The following TTC27 variants were observed in gnomAD, a reference collection of about 807,000 sequenced individuals.
The protein encoded by TTC27 is tetratricopeptide repeat protein 27.
Under a neutral mutation model 115.9 loss-of-function variants are expected in TTC27, and 79 were observed. That is an observed-to-expected ratio of 0.68 (90% CI 0.57 to 0.82). The LOEUF is 0.82. TTC27 is among the 40% of genes least tolerant of loss of function. TTC27 has a pLI of 0.00. For missense variants in TTC27, 1,054 were observed against 993.1 expected (o/e 1.06, Z -0.82); for synonymous variants, 401 against 356.0 (o/e 1.13, Z -1.42).
intron 13 of TTC27, among the ~76,000 whole-genome samples, chr2:32,773,221 G>A (rs115508603): frequency 0.011 from 1,700 of 152,276 alleles, 34 homozygotes; most frequent in African/African-American, 0.038. Context: ...GCTGCATACA[G>A]CCAGCTTGCC....
chr2:32,763,866 G>A (rs1669530173), intron 13 of TTC27, among the ~76,000 whole-genome samples: 1 of 152,166 alleles, frequency 6.6e-6, no homozygotes, highest in African/African-American at 2.4e-5. Flanking sequence ...GCGGGATAGT[G>A]AAAGCTGAAG....
chr2:32,751,335 A>G (rs1669007798), intron 12 of TTC27, among the ~76,000 whole-genome samples: 1 of 151,906 alleles, frequency 6.6e-6, no homozygotes, highest in African/African-American at 2.4e-5. Flanking sequence ...TTTGATAATG[A>G]CACCAACCTC....
chr2:32,638,388 T>A (rs1664505466), intron 3 of TTC27, among the ~76,000 whole-genome samples: 1 of 152,178 alleles, frequency 6.6e-6, no homozygotes, highest in Admixed American at 6.6e-5. Context: ...TATTGTTTTT[T>A]ATTTTTTTCT....
intron 6 of TTC27, among the ~76,000 whole-genome samples, chr2:32,666,202 G>C (rs2151880501): frequency 6.6e-6 from 1 of 152,244 alleles, no homozygotes; most frequent in African/African-American, 2.4e-5. Flanking sequence ...ATAAACTGTT[G>C]ATATAGAACC....
chr2:32,672,430 A>G (rs1301588995), intron 8 of TTC27, 46 bp downstream of exon 8: 1 of 1,384,866 alleles, frequency 7.2e-7, no homozygotes, highest in Non-Finnish European at 1.0e-6. Flanking sequence ...TTGCATATTG[A>G]TTCTCTTATG....
At chr2:32,781,336 C>T (rs181423197) in intron 14 of TTC27, among the ~76,000 whole-genome samples, 8 of 151,206 alleles carry the variant, frequency 5.3e-5, no homozygotes, top group Non-Finnish European at 8.9e-5. Flanking sequence ...CTTATTTCAA[C>T]GTCTCTTTCA....
intron 16 of TTC27, among the ~76,000 whole-genome samples, chr2:32,792,184 G>A (rs1466776844): frequency 3.3e-5 from 5 of 152,146 alleles, no homozygotes; most frequent in Non-Finnish European, 5.9e-5. Context: ...GCTTTCTTTG[G>A]GGACAGGAGA....
chr2:32,724,415 A>G (rs1668041458), intron 10 of TTC27, among the ~76,000 whole-genome samples: 1 of 152,126 alleles, frequency 6.6e-6, no homozygotes, highest in Admixed American at 6.5e-5. Context: ...CCCCTTTGTC[A>G]AAATCAAGGT....
Position 32,652,709 on chromosome 2 carries a change from T to A in TTC27, c.640+2476T>A, listed in dbSNP as rs556396063. Among the ~76,000 whole-genome samples the A allele has an allele frequency of 5.3e-5, 8 of 152,348 alleles. No individual in the cohort carries two copies. In the South Asian group the frequency reaches 1.4e-3, roughly 28 times the overall value. On this transcript the variant is annotated intron_variant, in intron 5 of 19. Coordinates refer to ENST00000317907, the MANE Select transcript of TTC27 (RefSeq NM_017735.5). ...CGTAGATAGTGCTGAATTATAACTT[T>A]TCATGCATGATTTCATTTTTAAAAT...
At chr2:32,658,763 A>G (rs1318146739) in intron 5 of TTC27, among the ~76,000 whole-genome samples, 1 of 152,152 alleles carries the variant, frequency 6.6e-6, no homozygotes, top group Non-Finnish European at 1.5e-5. Flanking sequence ...TGTTACTTGT[A>G]TGTCAACTAG....
At chr2:32,810,788 G>A (rs188652250) in intron 16 of TTC27, among the ~76,000 whole-genome samples, 1 of 152,274 alleles carries the variant, frequency 6.6e-6, no homozygotes, top group East Asian at 1.9e-4. Flanking sequence ...TTGAATGAAA[G>A]AAGAACCCTC....
At chr2:32,652,506 G>T (rs1050291034) in intron 5 of TTC27, among the ~76,000 whole-genome samples, 2 of 152,124 alleles carry the variant, frequency 1.3e-5, no homozygotes, top group African/African-American at 4.8e-5. Context: ...TGGAAAATGT[G>T]ACTCTAAGTG....
chr2:32,743,091 AT>A (rs1668699825), intron 12 of TTC27, among the ~76,000 whole-genome samples: 2 of 151,810 alleles, frequency 1.3e-5, no homozygotes, highest in South Asian at 2.1e-4. Flanking sequence ...TCTAGAGCTT[AT>A]TTTTTTCCCC....
chr2:32,807,408 G>A (rs921442004), intron 16 of TTC27, among the ~76,000 whole-genome samples: 1 of 152,004 alleles, frequency 6.6e-6, no homozygotes, highest in Non-Finnish European at 1.5e-5. Context: ...CATATTAATA[G>A]TTACTATATT....
intron 2 of TTC27, among the ~76,000 whole-genome samples, chr2:32,630,916 G>T (rs757749477): frequency 1.3e-5 from 2 of 152,182 alleles, no homozygotes; most frequent in African/African-American, 4.8e-5. Flanking sequence ...TCATATATGA[G>T]ACTGGCACAT....
At chr2:32,755,303 G>C (rs1669188656) in intron 12 of TTC27, among the ~76,000 whole-genome samples, 1 of 152,212 alleles carries the variant, frequency 6.6e-6, no homozygotes, top group Admixed American at 6.5e-5. Context: ...ATTGAGCACT[G>C]AGTGAATGAG....
At chr2:32,819,375 C>T (rs1020960966) in intron 19 of TTC27, among the ~76,000 whole-genome samples, 4 of 152,158 alleles carry the variant, frequency 2.6e-5, no homozygotes, top group Admixed American at 2.6e-4. Flanking sequence ...AGTGCCTCCT[C>T]TGAAGCATAT....
intron 9 of TTC27, among the ~76,000 whole-genome samples, chr2:32,696,074 G>C (rs2151897429): frequency 6.8e-6 from 1 of 147,176 alleles, no homozygotes; most frequent in Admixed American, 6.8e-5. Context: ...AGTGAGCCAA[G>C]ATTGCACCAC....
chr2:32,728,758 G>T (rs1191265952), intron 10 of TTC27, among the ~76,000 whole-genome samples: 2 of 152,080 alleles, frequency 1.3e-5, no homozygotes, highest in African/African-American at 2.4e-5. Flanking sequence ...GGAAAGACTG[G>T]GTTCACAATA....
Sources: gnomAD v4.1 joint callset for allele counts (sites outside exome capture counted in the v4.1 genomes callset) on GRCh38, gnomAD v4.1.1 for gene constraint, MANE v1.5 for transcripts, NCBI Gene and HGNC (gene_info 2026-07-23, HGNC 2026-07-21) for gene names.